DFFA: variants seen among roughly 807,000 people sequenced by gnomAD.
DFFA encodes the protein DFF45.
DFFA carries 14 observed loss-of-function variants against 28.0 expected under a neutral mutation model. That is an observed-to-expected ratio of 0.50 (90% CI 0.33 to 0.78). The LOEUF (loss-of-function observed/expected upper bound fraction) is 0.78, where lower values mean the gene tolerates loss of function less well. DFFA is among the 30% of genes least tolerant of loss of function. The pLI, the probability that DFFA is intolerant of heterozygous loss-of-function variation, is 0.02. For synonymous variants in DFFA, 158 were observed against 170.3 expected, an observed-to-expected ratio of 0.93 and a Z score of 0.56; for missense variants, 395 against 407.1, an observed-to-expected ratio of 0.97 and a Z score of 0.26.
chr1:10,469,062 T>C (rs1237028246), intron 2 of DFFA, 115 bp downstream of exon 2: 11 of 1,125,540 alleles, frequency 9.8e-6, no homozygotes, highest in Non-Finnish European at 1.3e-5. Context: ...TCAGTAAATA[T>C]CTGTTGAACA....
rs898545037 is a variant in DFFA at position 10,461,315 on chromosome 1, G to A, written c.*175C>T. The A allele has an allele frequency of 3.7e-5, 39 of 1,048,652 alleles. No individual in the cohort carries two copies. The highest frequency in any genetic ancestry group is 4.8e-5 in the Non-Finnish European group (36 of 750,530). 65.0% of individuals were successfully genotyped at this position (1,048,652 alleles called of 1,614,324 possible). A position where few individuals can be genotyped will look rare whatever the true frequency, so the allele number is the denominator to read the frequency against. ...AAAATTGGCAGAAGTCCTGAAGCTG[G>A]TGGGGCTAAAAAAAAAATTGGTGGA... On this transcript the variant is annotated 3_prime_UTR_variant, in exon 6 of 6. Coordinates refer to ENST00000377038, the MANE Select transcript of DFFA (RefSeq NM_004401.3).
chr1:10,462,505 C>A lies in DFFA; in HGVS notation c.783+553G>T, dbSNP rs139956763. 7.1e-6 allele frequency: 7 copies of A among 990,070 alleles called. No individual in the cohort carries two copies. In the Admixed American group the frequency reaches 4.0e-4, roughly 57 times the overall value. The allele number at this position is 990,070 out of a possible 1,614,324, so 61.3% of individuals were successfully genotyped here. A position where few individuals can be genotyped will look rare whatever the true frequency, so the allele number is the denominator to read the frequency against. ...AGTTTACTTGGAGCAACTCTAAGGT[C>A]CTCCACCTTCAGGAAATTTAGCCAA... On this transcript the variant is annotated intron_variant, in intron 5 of 5. Transcript: ENST00000377038.
At position 10,456,807 on chromosome 1, in the gene DFFA, AGCT is replaced by A. The variant is rs1640867807; in HGVS notation, c.*4680_*4682del. 2 of 152,182 alleles carry A rather than the reference AGCT, an allele frequency of 1.3e-5. No individual in the cohort carries two copies. The highest frequency in any genetic ancestry group is 1.3e-4 in the Admixed American group (2 of 15,256). The allele number at this position is 152,182 out of a possible 1,614,324, so 9.4% of individuals were successfully genotyped here. A position where few individuals can be genotyped will look rare whatever the true frequency, so the allele number is the denominator to read the frequency against. ...GGCTAATGTAAAGTTCATTAGTCCC[AGCT>A]GCTTTCTTTGACATTCTTTTCTTCT... On this transcript the variant is annotated 3_prime_UTR_variant, in exon 6 of 6. Coordinates refer to ENST00000377038, the MANE Select transcript of DFFA (RefSeq NM_004401.3).
chr1:10,461,656 C>G lies in DFFA; in HGVS notation c.830G>C (p.Trp277Ser). The change falls in exon 6 of 6, where the codon TGG (tryptophan) becomes TCG (serine). Residue 277 changes from tryptophan (W) to serine (S), a missense_variant. Coordinates refer to ENST00000377038, the MANE Select transcript of DFFA (RefSeq NM_004401.3). Reference sequence around the variant, plus strand: ...AACAGTCTCCGTCTTCTTTATGTCCCAGTTCAAGGCAACAGCCAGTGCTTT... The same window carrying G: ...AACAGTCTCCGTCTTCTTTATGTCCGAGTTCAAGGCAACAGCCAGTGCTTT... ...DPKALAVALNWDIKKTETVQE... is the reference protein window; with the variant it reads ...DPKALAVALNSDIKKTETVQE... 3 of 1,614,264 alleles carry G rather than the reference C, an allele frequency of 1.9e-6. No individual in the cohort carries two copies. In the African/African-American group the frequency reaches 4.0e-5, roughly 22 times the overall value.
At chr1:10,470,422 C>CTTTTTTT (rs59658414) in intron 1 of DFFA, among the ~76,000 whole-genome samples, 1 of 107,302 alleles carries the variant, frequency 9.3e-6, no homozygotes, top group East Asian at 2.8e-4. Flanking sequence ...CAGTTTTCCT[C>CTTTTTTT]TTTTTTTTTT....
At position 10,469,286 on chromosome 1, in the gene DFFA, C is replaced by G; in HGVS notation, c.189G>C (p.Leu63=). The G allele has an allele frequency of 6.2e-7, 1 of 1,614,164 alleles. No individual in the cohort carries two copies. The highest frequency in any genetic ancestry group is 2.2e-5 in the East Asian group (1 of 44,888). The part of the protein sequence containing the change: ...DKSLTPVTLV[L]AEDGTIVDDD... ...CATCCACTATGGTGCCATCCTCTGCCAGGACCAGGGTGACTGGTGTCAGGG... is the reference window on the plus strand; with the variant it reads ...CATCCACTATGGTGCCATCCTCTGCGAGGACCAGGGTGACTGGTGTCAGGG... Residue 63 remains leucine (L), a synonymous_variant, in exon 2 of 6, where the codon CTG becomes CTC. Transcript: ENST00000377038.
chr1:10,465,510 C>A (rs564531194), intron 3 of DFFA, among the ~76,000 whole-genome samples: 60 of 152,024 alleles, frequency 3.9e-4, no homozygotes, highest in African/African-American at 1.4e-3. Context: ...GTGATCCACC[C>A]TCCTCAGCCT....
chr1:10,472,510 C>T lies in DFFA; in HGVS notation c.-52G>A, dbSNP rs777639485. ...TTCGAGAAGTCGCGGGAGGCCGGAGCGGCGGTCCTTCTACTCGACCCCCTT... is the reference window on the plus strand; with the variant it reads ...TTCGAGAAGTCGCGGGAGGCCGGAGTGGCGGTCCTTCTACTCGACCCCCTT... On this transcript the variant is annotated 5_prime_UTR_variant, in exon 1 of 6. Coordinates refer to ENST00000377038, the MANE Select transcript of DFFA (RefSeq NM_004401.3). The surrounding 1 kb of genome is among the most constrained non-coding windows in gnomAD (Gnocchi z 5.0). The T allele has an allele frequency of 5.8e-6, 9 of 1,541,418 alleles. No individual in the cohort carries two copies. The highest frequency in any genetic ancestry group is 7.9e-6 in the Non-Finnish European group (9 of 1,136,492).
rs1267531704 is a variant in DFFA, at chr1:10,457,623, A to G, written c.*3867T>C. The G allele has an allele frequency of 6.6e-6, 1 of 152,240 alleles. No individual in the cohort carries two copies. Among genetic ancestry groups the G allele is most frequent in the African/African-American group, 2.4e-5 (1 of 41,438 alleles). 9.4% of individuals were successfully genotyped at this position (152,240 alleles called of 1,614,324 possible). ...AACCTGGGAGATGGAGGTTGCAGTG[A>G]GCAGAGATTGTGCCACTACACTCCA... is the stretch of plus-strand genomic sequence containing the variant. On this transcript the variant is annotated 3_prime_UTR_variant, in exon 6 of 6. Coordinates refer to ENST00000377038, the MANE Select transcript of DFFA (RefSeq NM_004401.3).
Position 10,461,069 on chromosome 1 carries a change from T to C in DFFA, c.*421A>G, listed in dbSNP as rs1179747889. On this transcript the variant is annotated 3_prime_UTR_variant, in exon 6 of 6. Coordinates refer to ENST00000377038, the MANE Select transcript of DFFA (RefSeq NM_004401.3). ...GATTACAGGCGCCCGCCACCATGGC[T>C]GGCTAATTTTTTTTGTATTTTTAGT... 4 of 157,692 alleles carry C rather than the reference T, an allele frequency of 2.5e-5. No individual in the cohort carries two copies. Among genetic ancestry groups the C allele is most frequent in the East Asian group, 3.6e-4 (2 of 5,492 alleles). 9.8% of individuals were successfully genotyped at this position (157,692 alleles called of 1,614,324 possible).
rs745995307 is a variant in DFFA at position 10,461,692 on chromosome 1, T to C, written c.794A>G (p.Lys265Arg). Residue 265 changes from lysine to arginine, a missense_variant, in exon 6 of 6, where the codon AAG becomes AGG. Lys to Arg is a conservative substitution (Grantham distance 26). Coordinates refer to ENST00000377038, the MANE Select transcript of DFFA (RefSeq NM_004401.3). Reference protein sequence around the residue: ...LSSQDLELVTKEDPKALAVAL... With the variant: ...LSSQDLELVTREDPKALAVAL... ...AACAGCCAGTGCTTTGGGGTCTTCC[T>C]TGGTAACCAACTGCAGCAAGAATAA... 8.7e-6 allele frequency: 14 copies of C among 1,614,052 alleles called. No homozygotes were observed. Among genetic ancestry groups the C allele is most frequent in the Non-Finnish European group, 1.2e-5 (14 of 1,180,010 alleles).
At chr1:10,464,123 C>T (rs565129960) in intron 3 of DFFA, among the ~76,000 whole-genome samples, 77 of 147,628 alleles carry the variant, frequency 5.2e-4, no homozygotes, top group African/African-American at 1.6e-3. Flanking sequence ...GACAGAGTCT[C>T]GCTCTGTCAC....
intron 5 of DFFA, chr1:10,462,763 C>T: frequency 8.0e-7 from 1 of 1,244,498 alleles, no homozygotes; most frequent in East Asian, 3.8e-5. Context: ...GACCCAGAAG[C>T]CATCTCAGAA....
intron 3 of DFFA, among the ~76,000 whole-genome samples, chr1:10,464,096 A>AT (rs564849257): frequency 0.15 from 21,549 of 143,066 alleles, 1,783 homozygotes; most frequent in South Asian, 0.29. Context: ...AATTTTTCTA[A>AT]TTTTTTTTTT....
intron 5 of DFFA, chr1:10,462,551 T>C: frequency 1.0e-6 from 1 of 990,772 alleles, no homozygotes; most frequent in Non-Finnish European, 1.2e-6. Context: ...ACAGTTTCCT[T>C]CCCTTCTATC....
chr1:10,466,269 C>T (rs1002062369), intron 3 of DFFA, among the ~76,000 whole-genome samples: 8 of 152,036 alleles, frequency 5.3e-5, no homozygotes, highest in Non-Finnish European at 7.4e-5. Context: ...CTGCAAGCTC[C>T]ACCTCCTGGG....
intron 1 of DFFA, among the ~76,000 whole-genome samples, chr1:10,470,654 T>G (rs2124349564): frequency 6.7e-6 from 1 of 150,176 alleles, no homozygotes; most frequent in Non-Finnish European, 1.5e-5. Context: ...CTCGATCTCC[T>G]GACCTCGTGA....
At chr1:10,466,810 AGGCG>A (rs1388418049) in intron 3 of DFFA, among the ~76,000 whole-genome samples, 1 of 151,908 alleles carries the variant, frequency 6.6e-6, no homozygotes, top group Non-Finnish European at 1.5e-5. Flanking sequence ...AAAATTAGCC[AGGCG>A]TGTTGGTGTG....
chr1:10,466,704 T>C (rs1442968456), intron 3 of DFFA, among the ~76,000 whole-genome samples: 2 of 151,748 alleles, frequency 1.3e-5, no homozygotes, highest in South Asian at 2.1e-4. Flanking sequence ...CTCACGCCTA[T>C]AATCTCAGCA....
Sources: allele counts gnomAD v4.1 joint callset (sites outside exome capture counted in the v4.1 genomes callset), GRCh38; gene constraint gnomAD v4.1.1; non-coding constraint Gnocchi (gnomAD v3.1); transcripts MANE v1.5; gene names NCBI Gene and HGNC (gene_info 2026-07-23, HGNC 2026-07-21).